Variants in LRP4 observed in about 807,000 individuals in gnomAD.
The protein encoded by LRP4 is low-density lipoprotein receptor-related protein 4.
A neutral mutation model predicts 220.3 loss-of-function variants in LRP4; 95 were observed. That is an observed-to-expected ratio of 0.43 (90% confidence interval 0.37 to 0.51). The LOEUF is 0.51. Ranked by LOEUF, LRP4 falls within the 20% of genes least tolerant of loss-of-function variation. The pLI is 0.00. For missense variants in LRP4, 1,925 were observed against 2,567.0 expected (o/e 0.75, Z 5.40); for synonymous variants, 903 against 954.6 (o/e 0.95, Z 1.00).
Position 46,868,687 on chromosome 11 carries a change from C to T in LRP4, c.4864G>A (p.Gly1622Ser), listed in dbSNP as rs1940771030. The T allele has an allele frequency of 6.2e-7, 1 of 1,613,962 alleles. No homozygotes were observed. Among genetic ancestry groups the T allele is most frequent in the Non-Finnish European group, 8.5e-7 (1 of 1,179,978 alleles). Residue 1622 changes from glycine (G) to serine (S), a missense_variant, in exon 33 of 38, where the codon GGT becomes AGT. Physicochemically the swap from Gly to Ser is moderately conservative, Grantham distance 56 (BLOSUM62 0). This residue lies in a region of LRP4 where 1,244 missense variants were observed against 1,624.9 expected (regional missense o/e 0.77). Coordinates refer to ENST00000378623, the MANE Select transcript of LRP4 (RefSeq NM_002334.4). The part of the protein sequence containing the change: ...TGTNACGVNN[G>S]GCTHLCFARA... The stretch of plus-strand genomic sequence containing the variant: ...GCAAAGCAGAGGTGGGTGCAGCCAC[C>T]ATTGTTCACACCACAGGCATTGGTC...
chr11:46,862,831 C>T, intron 36 of LRP4, 84 bp from the exon 37 acceptor site: 1 of 1,264,090 alleles, frequency 7.9e-7, no homozygotes, highest in Non-Finnish European at 1.1e-6. Context: ...GTCTGGTAGG[C>T]AGCCTCTAAG....
Position 46,899,312 on chromosome 11 carries a change from A to G in LRP4, c.547+75T>C. 1 of 1,225,300 alleles carries G rather than the reference A, an allele frequency of 8.2e-7. No homozygotes were observed. Among genetic ancestry groups the G allele is most frequent in the Non-Finnish European group, 1.2e-6 (1 of 827,850 alleles). The allele number at this position is 1,225,300 out of a possible 1,614,324, so 75.9% of individuals were successfully genotyped here. On this transcript the variant is annotated intron_variant, in intron 5 of 37. Transcript: ENST00000378623. This position sits in a 1 kb window ranked among gnomAD's most constrained non-coding sequence, Gnocchi z 5.9. ...CTTGCCCTTGGTACATGCACTCCTC[A>G]GCCTCGCCCTTAGCCAATGGGCAGA...
intron 31 of LRP4, among the ~76,000 whole-genome samples, chr11:46,869,717 A>T (rs1286749978): frequency 6.6e-6 from 1 of 152,180 alleles, no homozygotes; most frequent in East Asian, 1.9e-4. Context: ...AACTGTGGGG[A>T]AACCTGTAGA....
intron 7 of LRP4, 142 bp from the exon 8 acceptor site, chr11:46,897,136 G>T: frequency 1.8e-6 from 2 of 1,098,522 alleles, no homozygotes; most frequent in Non-Finnish European, 2.7e-6. Context: ...GTCTTTGTGT[G>T]AATCAGAAAA....
intron 19 of LRP4, among the ~76,000 whole-genome samples, chr11:46,882,990 C>A (rs1941198814): frequency 6.6e-6 from 1 of 152,080 alleles, no homozygotes. Context: ...ACCATCACCA[C>A]CAACAACAAA....
At chr11:46,909,744 T>C (rs1941825863) in intron 1 of LRP4, among the ~76,000 whole-genome samples, 2 of 149,704 alleles carry the variant, frequency 1.3e-5, no homozygotes, top group South Asian at 4.2e-4. Flanking sequence ...AATGAATGAA[T>C]GAATGAATGA....
Position 46,899,019 on chromosome 11 carries a change from T to G in LRP4, c.561A>C (p.Pro187=), listed in dbSNP as rs1779327816. ...SDEENCPSAV[P]APPCNLEEFQ... is the part of the protein sequence containing the mutation. Reference sequence around the variant, plus strand: ...ACTCCTCCAGGTTGCAGGGGGGCGCTGGCACTGCTGAGGCTGGAGGGAAGG... The same window carrying G: ...ACTCCTCCAGGTTGCAGGGGGGCGCGGGCACTGCTGAGGCTGGAGGGAAGG... Residue 187 remains proline (P), a synonymous_variant, in exon 6 of 38, where the codon CCA becomes CCC. Transcript: ENST00000378623. The surrounding 1 kb of genome is among the most constrained non-coding windows in gnomAD (Gnocchi z 5.9). The G allele has an allele frequency of 1.2e-6, 2 of 1,612,698 alleles. No homozygotes were observed. Among genetic ancestry groups the G allele is most frequent in the South Asian group, 2.2e-5 (2 of 91,056 alleles).
At chr11:46,885,501 C>T (rs562972680) in intron 18 of LRP4, among the ~76,000 whole-genome samples, 9 of 152,190 alleles carry the variant, frequency 5.9e-5, no homozygotes, top group East Asian at 5.8e-4. Flanking sequence ...TGGCTAGGCG[C>T]GGTGGCTCAC....
At chr11:46,903,020 G>T in intron 1 of LRP4, 91 bp from the exon 2 acceptor site, 1 of 1,506,190 alleles carries the variant, frequency 6.6e-7, no homozygotes, top group East Asian at 2.3e-5. Context: ...TAGTCCAGGG[G>T]CACTGTCACC....
chr11:46,860,905 C>G, intron 37 of LRP4: 2 of 979,008 alleles, frequency 2.0e-6, no homozygotes, highest in Non-Finnish European at 2.4e-6. Flanking sequence ...ACCACTCCCT[C>G]TACAAACACA....
chr11:46,909,731 TTGAATGAA>T (rs369210630), intron 1 of LRP4, among the ~76,000 whole-genome samples: 208 of 150,224 alleles, frequency 1.4e-3, no homozygotes, highest in African/African-American at 4.7e-3. Context: ...TACAAGTTCG[TTGAATGAA>T]TGAATGAATG....
chr11:46,896,464 G>A, intron 8 of LRP4, 129 bp from the exon 9 acceptor site: 1 of 1,158,108 alleles, frequency 8.6e-7, no homozygotes, highest in Admixed American at 1.8e-5. Flanking sequence ...GTCCTGGGCA[G>A]GAAGCAGCTC....
intron 17 of LRP4, 64 bp from the exon 18 acceptor site, chr11:46,886,236 C>T: frequency 6.3e-7 from 1 of 1,598,172 alleles, no homozygotes; most frequent in Non-Finnish European, 8.6e-7. Context: ...GCCCAAACTC[C>T]ACCAATTCTC....
rs17848233 is a variant in LRP4 at position 46,868,967 on chromosome 11, G to A, written c.4837+21C>T. ...AATCCCACAGATGTTAAGGAAGCAG[G>A]CTCAGTACCCGGGAGCCCACCTGTC... On this transcript the variant is annotated intron_variant, in intron 32 of 37. Transcript: ENST00000378623. 5.8e-4 allele frequency: 930 copies of A among 1,614,090 alleles called. 20 individuals carry two copies. In the East Asian group the frequency reaches 0.02, roughly 35 times the overall value.
At chr11:46,860,159 C>A (rs1940503402) in intron 37 of LRP4, among the ~76,000 whole-genome samples, 1 of 151,112 alleles carries the variant, frequency 6.6e-6, no homozygotes, top group Admixed American at 6.6e-5. Flanking sequence ...CCCTTGAACT[C>A]CGGAGGCTGA....
rs1941027392 is a variant in LRP4, at chr11:46,876,611, C to T, written c.3391G>A (p.Val1131Ile). 1 of 1,614,202 alleles carries T rather than the reference C, an allele frequency of 6.2e-7. No homozygotes were observed. The highest frequency in any genetic ancestry group is 1.6e-4 in the Middle Eastern group (1 of 6,062). Residue 1131 changes from valine (V) to isoleucine (I), a missense_variant, in exon 25 of 38, where the codon GTT (valine) becomes ATT (isoleucine). By Grantham distance (29) the Val-to-Ile change is conservative. Coordinates refer to ENST00000378623, the MANE Select transcript of LRP4 (RefSeq NM_002334.4). ...TGLQTTDGLA[V>I]DAIGRKVYWT... is the part of the protein sequence containing the mutation. ...TATACTTTCCGGCCAATGGCATCAA[C>T]CGCGAGCCCATCTGTGGTCTGTAGC...
intron 18 of LRP4, among the ~76,000 whole-genome samples, chr11:46,885,118 T>C (rs1353331786): frequency 6.6e-6 from 1 of 151,908 alleles, no homozygotes. Flanking sequence ...CCCAAGTAGC[T>C]GGGACTACAG....
At chr11:46,871,205 C>T (rs1045946698) in intron 31 of LRP4, among the ~76,000 whole-genome samples, 1 of 152,152 alleles carries the variant, frequency 6.6e-6, no homozygotes, top group African/African-American at 2.4e-5. Flanking sequence ...TGTGCCCAGC[C>T]CTCATGAAGC....
intron 12 of LRP4, among the ~76,000 whole-genome samples, chr11:46,893,555 T>C (rs1451174669): frequency 6.6e-6 from 1 of 152,220 alleles, no homozygotes; most frequent in Non-Finnish European, 1.5e-5. Context: ...ACTTCACCTA[T>C]TTGTAAAATA....
Sources: allele counts gnomAD v4.1 joint callset (sites outside exome capture counted in the v4.1 genomes callset), GRCh38; gene constraint gnomAD v4.1.1; regional missense constraint gnomAD v4.1.1; non-coding constraint Gnocchi (gnomAD v3.1); transcripts MANE v1.5; gene names NCBI Gene and HGNC (gene_info 2026-07-23, HGNC 2026-07-21).